Variants in PIK3C2G observed in about 807,000 individuals in gnomAD.
PIK3C2G encodes phosphatidylinositol-4-phosphate 3-kinase catalytic subunit type 2 gamma.
A neutral mutation model predicts 181.1 loss-of-function variants in PIK3C2G; 168 were observed. The observed-to-expected ratio is 0.93, with a 90% CI of 0.82 to 1.05. PIK3C2G has a LOEUF of 1.05. Among genes scored for constraint, PIK3C2G ranks in the 50% least tolerant of loss-of-function variants. The pLI is 0.00. For missense variants in PIK3C2G, 1,869 were observed against 1,732.8 expected (o/e 1.08, Z -1.40); for synonymous variants, 573 against 592.2 (o/e 0.97, Z 0.47).
intron 8 of PIK3C2G, among the ~76,000 whole-genome samples, chr12:18,327,226 G>A (rs1265499365): frequency 2.0e-5 from 3 of 152,016 alleles, no homozygotes; most frequent in Non-Finnish European, 4.4e-5. Flanking sequence ...TTTTGCCTAT[G>A]AAACATCAAT....
At chr12:18,303,143 C>CTTTCTT (rs1452204860) in intron 5 of PIK3C2G, among the ~76,000 whole-genome samples, 6 of 52,274 alleles carry the variant, frequency 1.1e-4, no homozygotes, top group African/African-American at 5.4e-4. Context: ...TCTTTCTTTT[C>CTTTCTT]TTTTCTTTCT....
intron 1 of PIK3C2G, among the ~76,000 whole-genome samples, chr12:18,251,016 T>C (rs562472792): frequency 2.5e-4 from 38 of 152,062 alleles, no homozygotes; most frequent in African/African-American, 7.9e-4. Context: ...TATGGGGAAA[T>C]TGAAGAAAGA....
chr12:18,703,078 T>G, the PIK3C2G span, among the ~76,000 whole-genome samples: 1 of 152,130 alleles, frequency 6.6e-6, no homozygotes, highest in Non-Finnish European at 1.5e-5. Context: ...TCATATATAA[T>G]AGGAAGCGGG....
At chr12:18,607,453 G>T (rs1447844349) in intron 30 of PIK3C2G, among the ~76,000 whole-genome samples, 1 of 152,090 alleles carries the variant, frequency 6.6e-6, no homozygotes, top group Non-Finnish European at 1.5e-5. Context: ...ATGGGGAAAG[G>T]ATTCCCTATT....
intron 25 of PIK3C2G, among the ~76,000 whole-genome samples, chr12:18,541,445 A>AAT (rs1222881209): frequency 1.1e-4 from 16 of 152,030 alleles, no homozygotes; most frequent in African/African-American, 3.9e-4. Flanking sequence ...TTAAAAAATC[A>AAT]ATATCAGCTA....
At chr12:18,567,576 G>C (rs369722307) in intron 29 of PIK3C2G, among the ~76,000 whole-genome samples, 6 of 151,856 alleles carry the variant, frequency 4.0e-5, no homozygotes, top group Non-Finnish European at 8.8e-5. Context: ...TCAGTGCCGT[G>C]AAGTGCTCTA....
At chr12:18,267,187 A>G (rs562942695) in intron 1 of PIK3C2G, among the ~76,000 whole-genome samples, 147 of 152,142 alleles carry the variant, frequency 9.7e-4, no homozygotes, top group African/African-American at 3.5e-3. Context: ...TGATGTATCA[A>G]TTCTGCTTTA....
chr12:18,404,801 A>G (rs1207787573), intron 16 of PIK3C2G, among the ~76,000 whole-genome samples: 2 of 152,192 alleles, frequency 1.3e-5, no homozygotes, highest in South Asian at 2.1e-4. Flanking sequence ...GAATTTTGTT[A>G]AGAACAGGAG....
chr12:18,510,023 C>T (rs1942105401), intron 24 of PIK3C2G, among the ~76,000 whole-genome samples: 1 of 152,104 alleles, frequency 6.6e-6, no homozygotes, highest in Non-Finnish European at 1.5e-5. Flanking sequence ...GGCTGGAGTG[C>T]AGTGGCACAA....
chr12:18,502,318 T>C (rs1941545545), intron 22 of PIK3C2G, among the ~76,000 whole-genome samples: 1 of 152,164 alleles, frequency 6.6e-6, no homozygotes, highest in South Asian at 2.1e-4. Context: ...TTTGAATGCT[T>C]TTTAGGTAGA....
intron 7 of PIK3C2G, among the ~76,000 whole-genome samples, chr12:18,322,981 A>G (rs1236615031): frequency 6.6e-6 from 1 of 152,180 alleles, no homozygotes; most frequent in Non-Finnish European, 1.5e-5. Context: ...GAAGTTTTTC[A>G]AAAAGCAGGA....
chr12:18,712,848 T>A, the PIK3C2G span: 2 of 1,613,782 alleles, frequency 1.2e-6, no homozygotes, highest in Non-Finnish European at 1.7e-6. Flanking sequence ...ATACCATGAA[T>A]GCATACTTGT....
the PIK3C2G span, chr12:18,694,952 T>G: frequency 3.1e-6 from 5 of 1,603,870 alleles, no homozygotes; most frequent in African/African-American, 6.7e-5. Flanking sequence ...TTATGTTACT[T>G]GGGTTAAAGT....
At chr12:18,523,244 T>C (rs1290261008) in intron 24 of PIK3C2G, among the ~76,000 whole-genome samples, 2 of 152,232 alleles carry the variant, frequency 1.3e-5, no homozygotes, top group African/African-American at 4.8e-5. Flanking sequence ...CATTTCTTCA[T>C]GGTCTGTTAC....
At chr12:18,288,551 T>A (rs930137847) in intron 3 of PIK3C2G, among the ~76,000 whole-genome samples, 1 of 152,152 alleles carries the variant, frequency 6.6e-6, no homozygotes, top group Non-Finnish European at 1.5e-5. Flanking sequence ...GGGAAAAAAA[T>A]TCTAAATAGT....
intron 30 of PIK3C2G, among the ~76,000 whole-genome samples, chr12:18,596,365 G>T (rs950557654): frequency 6.6e-6 from 1 of 151,924 alleles, no homozygotes; most frequent in Non-Finnish European, 1.5e-5. Flanking sequence ...ACTCAACAAA[G>T]CAGTAACCAA....
chr12:18,680,687 C>G, the PIK3C2G span, among the ~76,000 whole-genome samples: 3,988 of 152,102 alleles, frequency 0.026, 108 homozygotes, highest in African/African-American at 0.069. Flanking sequence ...CAAAGACAAC[C>G]AGGAACACAC....
intron 18 of PIK3C2G, among the ~76,000 whole-genome samples, chr12:18,485,535 T>A (rs930884823): frequency 1.3e-5 from 2 of 152,210 alleles, no homozygotes; most frequent in African/African-American, 4.8e-5. Flanking sequence ...TCATCTAGAT[T>A]TTATGCATTC....
At chr12:18,652,280 A>G (rs964988223), downstream of PIK3C2G, among the ~76,000 whole-genome samples, 1 of 152,176 alleles carries the variant, frequency 6.6e-6, no homozygotes, top group Admixed American at 6.5e-5. Context: ...TATGACTGAT[A>G]TACTTATGAA....
Sources: allele counts gnomAD v4.1 joint callset (sites outside exome capture counted in the v4.1 genomes callset), GRCh38; gene constraint gnomAD v4.1.1; transcripts MANE v1.5; gene names NCBI Gene and HGNC (gene_info 2026-07-23, HGNC 2026-07-21).